Variants in ERF observed in about 807,000 individuals in gnomAD.
The protein encoded by ERF is ETS domain-containing transcription factor ERF.
In ERF, 10 loss-of-function variants were observed where a neutral mutation model predicts 41.6. That is an observed-to-expected ratio of 0.24 (90% CI 0.15 to 0.41). The LOEUF (loss-of-function observed/expected upper bound fraction) is 0.41. Ranked by LOEUF, ERF falls within the 10% of genes least tolerant of loss-of-function variation. The pLI, the probability that ERF is intolerant of heterozygous loss-of-function variation, is 1.00. For synonymous variants in ERF, 395 were observed against 342.4 expected, an observed-to-expected ratio of 1.15 and a Z score of -1.70; for missense variants, 621 against 763.2, an observed-to-expected ratio of 0.81 and a Z score of 2.19.
chr19:42,248,570 A>G lies in ERF; in HGVS notation c.1542T>C (p.Arg514=), dbSNP rs761106682. The change falls in exon 4 of 4, where the codon CGT becomes CGC. Residue 514 remains arginine (R), a synonymous_variant. Coordinates refer to ENST00000222329, the MANE Select transcript of ERF (RefSeq NM_006494.4). This position sits in a 1 kb window ranked among gnomAD's most constrained non-coding sequence, Gnocchi z 4.2. ...FEDEGEDKKV[R]GEGPGEAGGP... ...CCCCAGCCTCCCCAGGCCCCTCCCC[A>G]CGCACCTTCTTGTCCTCACCCTCAT... is the stretch of plus-strand genomic sequence containing the variant. The G allele has an allele frequency of 6.4e-7, 1 of 1,571,678 alleles. No individual in the cohort carries two copies.
chr19:42,248,512 G>A lies in ERF; in HGVS notation c.1600C>T (p.Leu534Phe). Residue 534 changes from leucine (L) to phenylalanine (F), a missense_variant, in exon 4 of 4, where the codon CTC becomes TTC. Coordinates refer to ENST00000222329, the MANE Select transcript of ERF (RefSeq NM_006494.4). This position sits in a 1 kb window ranked among gnomAD's most constrained non-coding sequence, Gnocchi z 4.2. ...GAGAGCTGGGCCGTGGCATGCTGGA[G>A]GTCAGAGCTCACCCGCCTTGGGGTG... ...PLTPRRVSSD[L>F]QHATAQLSLE... The A allele has an allele frequency of 4.6e-6, 7 of 1,523,476 alleles. No individual in the cohort carries two copies. Among genetic ancestry groups the A allele is most frequent in the Admixed American group, 2.2e-5 (1 of 44,974 alleles). 94.4% of individuals were successfully genotyped at this position (1,523,476 alleles called of 1,614,324 possible).
In ERF at chr19:42,248,679, A is replaced by G; in HGVS notation, c.1433T>C (p.Met478Thr). The change falls in exon 4 of 4, where the codon ATG becomes ACG. Residue 478 changes from methionine to threonine, a missense_variant. This residue lies in a region of ERF where 569 missense variants were observed against 625.5 expected (regional missense o/e 0.91). Coordinates refer to ENST00000222329, the MANE Select transcript of ERF (RefSeq NM_006494.4). The surrounding 1 kb of genome is among the most constrained non-coding windows in gnomAD (Gnocchi z 4.2). ...CCGCTTAAAGCGTAGCTTGAGGGGC[A>G]TGCACTGGGATGCCCCGGGTGCCTC... ...PGEAPGASQC[M>T]PLKLRFKRRW... 6.2e-7 allele frequency: 1 copy of G among 1,608,768 alleles called. No homozygotes were observed. Among genetic ancestry groups the G allele is most frequent in the Non-Finnish European group, 8.5e-7 (1 of 1,176,234 alleles).
chr19:42,252,670 C>T (rs1163840801), intron 1 of ERF, among the ~76,000 whole-genome samples: 1 of 152,146 alleles, frequency 6.6e-6, no homozygotes, highest in East Asian at 1.9e-4. Context: ...CCCAAGCCCA[C>T]CACAACGGCG....
rs1241570267 is a variant in ERF, at chr19:42,250,488, G to A, written c.100C>T (p.Leu34=). 2 of 1,613,710 alleles carry A rather than the reference G, an allele frequency of 1.2e-6. No homozygotes were observed. The highest frequency in any genetic ancestry group is 1.7e-5 in the Admixed American group (1 of 60,026). Residue 34 remains leucine (L), a synonymous_variant, in exon 2 of 4, where the codon CTG becomes TTG. Coordinates refer to ENST00000222329, the MANE Select transcript of ERF (RefSeq NM_006494.4). This position sits in a 1 kb window ranked among gnomAD's most constrained non-coding sequence, Gnocchi z 5.1. The part of the protein sequence containing the change: ...SRQIQLWHFI[L]ELLRKEEYQG... ...TACTCCTCCTTCCGCAGCAGCTCCAGGATAAAGTGCCACAGCTGGATCTGC... is the reference window on the plus strand; with the variant it reads ...TACTCCTCCTTCCGCAGCAGCTCCAAGATAAAGTGCCACAGCTGGATCTGC...
intron 1 of ERF, chr19:42,253,785 TG>T: frequency 3.5e-6 from 2 of 564,670 alleles, no homozygotes; most frequent in Non-Finnish European, 4.1e-6. Flanking sequence ...GGGATGGGAA[TG>T]GGGTGGGAAT....
intron 1 of ERF, chr19:42,251,318 C>A: frequency 1.0e-6 from 1 of 986,188 alleles, no homozygotes; most frequent in Non-Finnish European, 1.2e-6. Context: ...AGCTGTCACC[C>A]TCTTCCCACT....
Position 42,253,672 on chromosome 19 carries a change from C to G in ERF, c.22+1306G>C, listed in dbSNP as rs552204289. ...TACCGCACTCCGCACCCCGGCCCCA[C>G]CCCCAGGGCCCCTCCTCGGTCCGGG... On this transcript the variant is annotated intron_variant, in intron 1 of 3. Coordinates refer to ENST00000222329, the MANE Select transcript of ERF (RefSeq NM_006494.4). Among the ~76,000 whole-genome samples, 257 of 151,856 alleles carry G rather than the reference C, an allele frequency of 1.7e-3. 2 individuals carry two copies. The highest frequency in any genetic ancestry group is 2.2e-3 in the African/African-American group (93 of 41,396).
intron 1 of ERF, among the ~76,000 whole-genome samples, chr19:42,251,064 G>C (rs1020999437): frequency 5.3e-5 from 8 of 151,804 alleles, no homozygotes; most frequent in Admixed American, 5.3e-4. Flanking sequence ...CAAGACCTGA[G>C]AGGAAGATTT....
rs1021659825 is a variant in ERF at position 42,247,885 on chromosome 19, C to T, written c.*580G>A. The T allele has an allele frequency of 3.3e-5, 5 of 152,096 alleles. 1 individual carries two copies. The highest frequency in any genetic ancestry group is 3.4e-3 in the Middle Eastern group (1 of 294). The allele number at this position is 152,096 out of a possible 1,614,324, so 9.4% of individuals were successfully genotyped here. A position where few individuals can be genotyped will look rare whatever the true frequency, so the allele number is the denominator to read the frequency against. On this transcript the variant is annotated 3_prime_UTR_variant, in exon 4 of 4. Coordinates refer to ENST00000222329, the MANE Select transcript of ERF (RefSeq NM_006494.4). ...GCCCATGGGCGGCACCCCTCACCCTCCTCCGCCCCCCACCCCCCAACACAT... is the reference window on the plus strand; with the variant it reads ...GCCCATGGGCGGCACCCCTCACCCTTCTCCGCCCCCCACCCCCCAACACAT...
At chr19:42,253,396 T>C (rs1176236987) in intron 1 of ERF, among the ~76,000 whole-genome samples, 1 of 152,014 alleles carries the variant, frequency 6.6e-6, no homozygotes, top group East Asian at 1.9e-4. Context: ...CGGAGGCCAT[T>C]CCAGGCCTCC....
rs2146945612 is a variant in ERF at position 42,247,682 on chromosome 19, CCA to C, written c.*781_*782del. On this transcript the variant is annotated 3_prime_UTR_variant, in exon 4 of 4. Coordinates refer to ENST00000222329, the MANE Select transcript of ERF (RefSeq NM_006494.4). ...CTTGACCACAGCCCCCCACCCCACCCCAGAGGCCCCAGCTGGGAGGCAGAGGG... is the reference window on the plus strand; with the variant it reads ...CTTGACCACAGCCCCCCACCCCACCCGAGGCCCCAGCTGGGAGGCAGAGGG... The C allele has an allele frequency of 6.6e-6, 1 of 152,276 alleles. No homozygotes were observed. Among genetic ancestry groups the C allele is most frequent in the East Asian group, 1.9e-4 (1 of 5,166 alleles). The allele number at this position is 152,276 out of a possible 1,614,324, so 9.4% of individuals were successfully genotyped here.
intron 1 of ERF, chr19:42,254,710 G>C (rs1030228268): frequency 5.4e-5 from 19 of 350,502 alleles, no homozygotes; most frequent in Admixed American, 1.5e-4. Flanking sequence ...TCCCGGGAGT[G>C]GGGGAGAGCC....
rs779162156 is a variant in ERF at position 42,249,450 on chromosome 19, G to A, written c.662C>T (p.Pro221Leu). Residue 221 changes from proline to leucine, a missense_variant, in exon 4 of 4, where the codon CCG becomes CTG. By Grantham distance (98) the Pro-to-Leu change is moderately conservative. Around this residue, in one of 3 missense-constraint regions of ERF, gnomAD observed 569 missense variants for 625.5 expected, o/e 0.91. Coordinates refer to ENST00000222329, the MANE Select transcript of ERF (RefSeq NM_006494.4). The surrounding 1 kb of genome is among the most constrained non-coding windows in gnomAD (Gnocchi z 8.6). ...PPDLGAFRGP[P>L]LARLPHDPGV... Reference sequence around the variant, plus strand: ...AGGGTCATGGGGCAGGCGGGCCAGCGGGGGCCCTCGGAAGGCACCCAGATC... The same window carrying A: ...AGGGTCATGGGGCAGGCGGGCCAGCAGGGGCCCTCGGAAGGCACCCAGATC... The A allele has an allele frequency of 7.5e-6, 12 of 1,596,350 alleles. No homozygotes were observed. The highest frequency in any genetic ancestry group is 4.5e-5 in the South Asian group (4 of 89,106).
chr19:42,254,707 A>C, intron 1 of ERF: 6 of 310,500 alleles, frequency 1.9e-5, no homozygotes, highest in Non-Finnish European at 2.4e-5. Flanking sequence ...TGATCCCGGG[A>C]GTGGGGGAGA....
chr19:42,250,183 A>G lies in ERF; in HGVS notation c.257+148T>C. On this transcript the variant is annotated intron_variant, in intron 2 of 3. Coordinates refer to ENST00000222329, the MANE Select transcript of ERF (RefSeq NM_006494.4). This position sits in a 1 kb window ranked among gnomAD's most constrained non-coding sequence, Gnocchi z 5.1. The stretch of plus-strand genomic sequence containing the variant: ...ATACGTCTGTGTTACCAAGGGGCTC[A>G]GGGAAGGGCTGGGAGTGGCCCAAGG... The G allele has an allele frequency of 4.5e-6, 4 of 892,422 alleles. No individual in the cohort carries two copies. The highest frequency in any genetic ancestry group is 6.8e-6 in the Non-Finnish European group (4 of 585,356). 55.3% of individuals were successfully genotyped at this position (892,422 alleles called of 1,614,324 possible).
In ERF at chr19:42,248,675, G is replaced by A; in HGVS notation, c.1437C>T (p.Pro479=). The A allele has an allele frequency of 6.2e-7, 1 of 1,607,606 alleles. No individual in the cohort carries two copies. Among genetic ancestry groups the A allele is most frequent in the Non-Finnish European group, 8.5e-7 (1 of 1,175,340 alleles). Residue 479 remains proline (P), a synonymous_variant, in exon 4 of 4, where the codon CCC becomes CCT. Transcript: ENST00000222329. The surrounding 1 kb of genome is among the most constrained non-coding windows in gnomAD (Gnocchi z 4.2). ...GEAPGASQCM[P]LKLRFKRRWS... ...AGCGCCGCTTAAAGCGTAGCTTGAG[G>A]GGCATGCACTGGGATGCCCCGGGTG...
chr19:42,249,197 G>A lies in ERF; in HGVS notation c.915C>T (p.Phe305=), dbSNP rs753066515. The change falls in exon 4 of 4, where the codon TTC becomes TTT. Residue 305 remains phenylalanine (F), a synonymous_variant. Coordinates refer to ENST00000222329, the MANE Select transcript of ERF (RefSeq NM_006494.4). The surrounding 1 kb of genome is among the most constrained non-coding windows in gnomAD (Gnocchi z 8.6). ...SGSGGGSHFS[F]SPEDMKRYLQ... is the part of the protein sequence containing the mutation. ...GGTACCGTTTCATGTCCTCAGGGCTGAAGGAGAAGTGGGAGCCTCCCCCTG... is the reference window on the plus strand; with the variant it reads ...GGTACCGTTTCATGTCCTCAGGGCTAAAGGAGAAGTGGGAGCCTCCCCCTG... 9.9e-6 allele frequency: 16 copies of A among 1,613,906 alleles called. 1 individual carries two copies. The highest frequency in any genetic ancestry group is 6.6e-5 in the South Asian group (6 of 91,080).
chr19:42,254,639 T>G, intron 1 of ERF: 3 of 214,506 alleles, frequency 1.4e-5, no homozygotes, highest in Non-Finnish European at 2.8e-5. Flanking sequence ...CCCGCACACG[T>G]CCCGGCCCCC....
chr19:42,248,633 G>T lies in ERF; in HGVS notation c.1479C>A (p.Arg493=), dbSNP rs763209447. ...CAGCGGGGCCCCCACCCCCTTCGAG[G>T]CGACAGTCTTCACTCCAGCGCCGCT... The part of the protein sequence containing the change: ...RFKRRWSEDC[R]LEGGGGPAGG... The change falls in exon 4 of 4, where the codon CGC becomes CGA. Residue 493 remains arginine, a synonymous_variant. Coordinates refer to ENST00000222329, the MANE Select transcript of ERF (RefSeq NM_006494.4). This position sits in a 1 kb window ranked among gnomAD's most constrained non-coding sequence, Gnocchi z 4.2. The T allele has an allele frequency of 9.3e-5, 147 of 1,587,470 alleles. No homozygotes were observed. Among genetic ancestry groups the T allele is most frequent in the Non-Finnish European group, 1.2e-4 (145 of 1,163,852 alleles).
Sources: allele counts gnomAD v4.1 joint callset (sites outside exome capture counted in the v4.1 genomes callset), GRCh38; gene constraint gnomAD v4.1.1; regional missense constraint gnomAD v4.1.1; non-coding constraint Gnocchi (gnomAD v3.1); transcripts MANE v1.5; gene names NCBI Gene and HGNC (gene_info 2026-07-23, HGNC 2026-07-21).